Variants in AKT3 observed in about 807,000 individuals in gnomAD.
AKT3 encodes RAC-gamma serine/threonine-protein kinase.
A neutral mutation model predicts 65.3 loss-of-function variants in AKT3; 15 were observed. The ratio of observed to expected loss-of-function variants is 0.23; its 90% CI spans 0.15 to 0.35. The LOEUF (loss-of-function observed/expected upper bound fraction) is 0.35. Among genes scored for constraint, AKT3 ranks in the 10% least tolerant of loss-of-function variants. The pLI, the probability that AKT3 is intolerant of heterozygous loss-of-function variation, is 1.00. For missense variants in AKT3, 243 were observed against 576.5 expected (o/e 0.42, Z 5.92); for synonymous variants, 206 against 183.8 (o/e 1.12, Z -0.98).
intron 8 of AKT3, among the ~76,000 whole-genome samples, chr1:243,578,174 T>A (rs1675082655): frequency 6.6e-6 from 1 of 152,176 alleles, no homozygotes; most frequent in South Asian, 2.1e-4. Context: ...ACCCAGCAAT[T>A]TCATTACTGG....
At chr1:243,789,505 T>G (rs536255686) in intron 2 of AKT3, among the ~76,000 whole-genome samples, 2 of 152,256 alleles carry the variant, frequency 1.3e-5, no homozygotes, top group African/African-American at 2.4e-5. Context: ...TCTAGTTCTC[T>G]TGCTATTTCT....
chr1:243,531,469 C>G (rs543388972), intron 12 of AKT3, among the ~76,000 whole-genome samples: 3 of 151,962 alleles, frequency 2.0e-5, no homozygotes, highest in Admixed American at 1.3e-4. Flanking sequence ...CATTTGCATG[C>G]AAGTTTTTAT....
chr1:243,626,204 T>A (rs1009902735), intron 6 of AKT3, among the ~76,000 whole-genome samples: 3 of 152,174 alleles, frequency 2.0e-5, no homozygotes, highest in African/African-American at 7.2e-5. Context: ...CTTCTTAATA[T>A]GGGTCTTACA....
Position 243,637,705 on chromosome 1 carries a change from T to C in AKT3, c.467A>G (p.Lys156Arg). The C allele has an allele frequency of 6.3e-7, 1 of 1,582,592 alleles. No homozygotes were observed. The highest frequency in any genetic ancestry group is 8.7e-7 in the Non-Finnish European group (1 of 1,153,060). The change falls in exon 6 of 14, where the codon AAA (lysine) becomes AGA (arginine). Residue 156 changes from lysine to arginine, a missense_variant. Physicochemically the swap from Lys to Arg is conservative, Grantham distance 26 (BLOSUM62 2). Transcript: ENST00000673466. ...NDFDYLKLLG[K>R]GTFGKVILVR... ...CAAAATAACTTTCCCAAAAGTGCCT[T>C]TACCTAGTAGTTTCAAATAGTCAAA...
intron 4 of AKT3, among the ~76,000 whole-genome samples, chr1:243,652,874 A>G (rs1310746740): frequency 1.3e-5 from 2 of 152,106 alleles, no homozygotes; most frequent in East Asian, 1.9e-4. Flanking sequence ...GGCATTACAT[A>G]ATGGTAAAGG....
intron 5 of AKT3, among the ~76,000 whole-genome samples, chr1:243,640,606 T>C (rs1216252813): frequency 3.9e-5 from 6 of 152,066 alleles, no homozygotes; most frequent in African/African-American, 1.2e-4. Flanking sequence ...CCCTGGAAGA[T>C]AAATTACCAC....
chr1:243,552,116 C>T (rs1023936591), intron 11 of AKT3, among the ~76,000 whole-genome samples: 7 of 151,538 alleles, frequency 4.6e-5, no homozygotes, highest in Admixed American at 4.6e-4. Context: ...TTGGCAAAAC[C>T]CCGTCTCTAC....
chr1:243,653,004 A>G (rs1681491600), intron 4 of AKT3, among the ~76,000 whole-genome samples: 2 of 152,000 alleles, frequency 1.3e-5, no homozygotes, highest in Admixed American at 6.6e-5. Context: ...CCACACAATA[A>G]TAGTGGGAGA....
In AKT3 at chr1:243,641,313, T is replaced by TAC. The variant is rs1382014023; in HGVS notation, c.430-3573_430-3572dup. ...ACGCACACACACACACATACATATA[T>TAC]ACACACATATATATATATATATTAT... is the stretch of plus-strand genomic sequence containing the variant. On this transcript the variant is annotated intron_variant, in intron 5 of 13. Coordinates refer to ENST00000673466, the MANE Select transcript of AKT3 (RefSeq NM_005465.7). Among the ~76,000 whole-genome samples, 52 of 148,778 alleles carry TAC rather than the reference T, an allele frequency of 3.5e-4. No homozygotes were observed. The East Asian group carries it at 5.3e-3, about 15-fold the overall frequency.
intron 4 of AKT3, among the ~76,000 whole-genome samples, chr1:243,664,024 C>G (rs370924897): frequency 6.6e-6 from 1 of 152,090 alleles, no homozygotes; most frequent in African/African-American, 2.4e-5. Flanking sequence ...TAGACCCAAT[C>G]TCAGAATCCT....
chr1:243,652,971 G>A (rs552564883), intron 4 of AKT3, among the ~76,000 whole-genome samples: 9 of 151,762 alleles, frequency 5.9e-5, no homozygotes, highest in Non-Finnish European at 1.3e-4. Context: ...AGTTCTTAGA[G>A]ACCTACAAAG....
chr1:243,773,536 C>T (rs1329032585), intron 2 of AKT3, among the ~76,000 whole-genome samples: 1 of 151,994 alleles, frequency 6.6e-6, no homozygotes, highest in Admixed American at 6.6e-5. Flanking sequence ...ATAGCTTGAG[C>T]CCAGGAGTTC....
chr1:243,841,013 A>G (rs1370823825), intron 2 of AKT3, among the ~76,000 whole-genome samples: 2 of 152,162 alleles, frequency 1.3e-5, no homozygotes, highest in Non-Finnish European at 2.9e-5. Context: ...AAAGATAGGG[A>G]GATTTTTATT....
At position 243,501,187 on chromosome 1, in the gene AKT3, G is replaced by C. The variant is rs1358757515; in HGVS notation, c.*4062C>G. ...GCAAAGCCAAGTTTCTACAATAGTA[G>C]CTTTATGAGGTAAAATCAGAAAAAG... On this transcript the variant is annotated 3_prime_UTR_variant, in exon 14 of 14. Coordinates refer to ENST00000673466, the MANE Select transcript of AKT3 (RefSeq NM_005465.7). 1 of 231,594 alleles carries C rather than the reference G, an allele frequency of 4.3e-6. No individual in the cohort carries two copies. Among genetic ancestry groups the C allele is most frequent in the Non-Finnish European group, 8.5e-6 (1 of 117,160 alleles). The allele number at this position is 231,594 out of a possible 1,614,324, so 14.3% of individuals were successfully genotyped here.
chr1:243,583,195 T>TATATATATATATACACAC (rs759291565), intron 8 of AKT3, among the ~76,000 whole-genome samples: 1 of 88,286 alleles, frequency 1.1e-5, no homozygotes, highest in African/African-American at 5.1e-5. Context: ...TATATATATA[T>TATATATATATATACACAC]ACACACACAC....
intron 3 of AKT3, among the ~76,000 whole-genome samples, chr1:243,681,663 CG>C: frequency 6.6e-6 from 1 of 152,244 alleles, no homozygotes; most frequent in East Asian, 1.9e-4. Flanking sequence ...GTGCTGACGA[CG>C]TATTACTTGA....
intron 2 of AKT3, among the ~76,000 whole-genome samples, chr1:243,728,169 TCAA>T (rs2148134468): frequency 6.6e-6 from 1 of 152,326 alleles, no homozygotes; most frequent in African/African-American, 2.4e-5. Context: ...GAAACACGCA[TCAA>T]CGATTCAATA....
intron 12 of AKT3, among the ~76,000 whole-genome samples, chr1:243,536,563 T>C (rs1671948192): frequency 6.6e-6 from 1 of 152,216 alleles, no homozygotes; most frequent in Non-Finnish European, 1.5e-5. Flanking sequence ...TTTGTGTCAT[T>C]TGATGATTAA....
chr1:243,531,504 G>A (rs1033722753), intron 12 of AKT3, among the ~76,000 whole-genome samples: 1 of 152,026 alleles, frequency 6.6e-6, no homozygotes, highest in African/African-American at 2.4e-5. Context: ...TATATATTTT[G>A]TCATAAATAC....
Sources: allele counts gnomAD v4.1 joint callset (sites outside exome capture counted in the v4.1 genomes callset), GRCh38; gene constraint gnomAD v4.1.1; transcripts MANE v1.5; gene names NCBI Gene and HGNC (gene_info 2026-07-23, HGNC 2026-07-21).